EPC2: variants seen among roughly 807,000 people sequenced by gnomAD.
EPC2 encodes the protein enhancer of polycomb 2.
A neutral mutation model predicts 92.1 loss-of-function variants in EPC2; 14 were observed. That is an observed-to-expected ratio of 0.15 (90% confidence interval 0.10 to 0.24). EPC2 has a LOEUF of 0.24. EPC2 is among the 10% of genes least tolerant of loss of function. EPC2 has a pLI of 1.00. For missense variants in EPC2, 755 were observed against 971.5 expected (o/e 0.78, Z 2.96); for synonymous variants, 340 against 334.7 (o/e 1.02, Z -0.17).
At chr2:148,664,219 CTGGGCACAG>C (rs1681013712) in intron 1 of EPC2, among the ~76,000 whole-genome samples, 1 of 152,150 alleles carries the variant, frequency 6.6e-6, no homozygotes, top group African/African-American at 2.4e-5. Context: ...ATTTATTAGG[CTGGGCACAG>C]TGGCTCACAC....
At chr2:148,753,001 G>A (rs1006617120) in intron 3 of EPC2, among the ~76,000 whole-genome samples, 1 of 152,184 alleles carries the variant, frequency 6.6e-6, no homozygotes, top group Admixed American at 6.5e-5. Flanking sequence ...GATTGAGATA[G>A]CATCACTTCA....
chr2:148,692,411 T>G (rs1247586846), intron 2 of EPC2: 1 of 152,418 alleles, frequency 6.6e-6, no homozygotes, highest in Non-Finnish European at 1.5e-5. Context: ...CAGAGTAAAG[T>G]GCTTGGTTTA....
chr2:148,709,372 A>G (rs1224086809), intron 2 of EPC2, among the ~76,000 whole-genome samples: 2 of 152,274 alleles, frequency 1.3e-5, no homozygotes, highest in Non-Finnish European at 2.9e-5. Context: ...AGAACATCCC[A>G]TGCTCATGGA....
At position 148,786,559 on chromosome 2, in the gene EPC2, G is replaced by T; in HGVS notation, c.*182G>T. On this transcript the variant is annotated 3_prime_UTR_variant, in exon 14 of 14. Coordinates refer to ENST00000258484, the MANE Select transcript of EPC2 (RefSeq NM_015630.4). ...GTAAAATTGGGAAAATCACTACCTT[G>T]TAAAATAGTTTATTTGTATCATCAA... 1 of 465,758 alleles carries T rather than the reference G, an allele frequency of 2.1e-6. No individual in the cohort carries two copies. The highest frequency in any genetic ancestry group is 3.9e-6 in the Non-Finnish European group (1 of 255,884). The allele number at this position is 465,758 out of a possible 1,614,324, so 28.9% of individuals were successfully genotyped here. A position where few individuals can be genotyped will look rare whatever the true frequency, so the allele number is the denominator to read the frequency against.
Position 148,781,765 on chromosome 2 carries a change from A to G in EPC2, c.1842A>G (p.Thr614=), listed in dbSNP as rs1196031367. The G allele has an allele frequency of 2.5e-6, 4 of 1,613,938 alleles. No homozygotes were observed. The highest frequency in any genetic ancestry group is 3.4e-6 in the Non-Finnish European group (4 of 1,179,860). The stretch of plus-strand genomic sequence containing the variant: ...AATCTCAGCATTCCTCGCAACAGAC[A>G]CATCCAAAAGCACAGGTAAACTGCT... The part of the protein sequence containing the change: ...KQQSQHSSQQ[T]HPKAQGSSTS... Residue 614 remains threonine (T), a synonymous_variant, in exon 11 of 14, where the codon ACA becomes ACG. Coordinates refer to ENST00000258484, the MANE Select transcript of EPC2 (RefSeq NM_015630.4).
At chr2:148,739,778 C>T (rs183472994) in intron 2 of EPC2, among the ~76,000 whole-genome samples, 10 of 151,302 alleles carry the variant, frequency 6.6e-5, no homozygotes, top group Non-Finnish European at 1.2e-4. Context: ...TAGTCATGCA[C>T]CCTCTTAAAT....
intron 1 of EPC2, among the ~76,000 whole-genome samples, chr2:148,670,506 C>T (rs571573309): frequency 6.6e-6 from 1 of 152,168 alleles, no homozygotes; most frequent in East Asian, 1.9e-4. Context: ...ACCTCTTACC[C>T]GTTAATATGG....
intron 2 of EPC2, among the ~76,000 whole-genome samples, chr2:148,721,890 CTTTTTTTTTT>C: frequency 1.6e-5 from 1 of 60,734 alleles, no homozygotes; most frequent in East Asian, 6.9e-4. Flanking sequence ...GTTTTGATTT[CTTTTTTTTTT>C]TTTTTTTCAG....
At chr2:148,761,572 AT>A (rs1263908904) in intron 4 of EPC2, among the ~76,000 whole-genome samples, 1 of 151,748 alleles carries the variant, frequency 6.6e-6, no homozygotes, top group Non-Finnish European at 1.5e-5. Context: ...AGCTGGCAAC[AT>A]TTTTTTTCTG....
Position 148,783,727 on chromosome 2 carries a change from A to G in EPC2, c.1988A>G (p.Asn663Ser). 1.3e-6 allele frequency: 2 copies of G among 1,592,124 alleles called. No individual in the cohort carries two copies. The highest frequency in any genetic ancestry group is 1.8e-5 in the Admixed American group (1 of 56,826). Residue 663 changes from asparagine (N) to serine (S), a missense_variant, in exon 12 of 14, where the codon AAC becomes AGC. Coordinates refer to ENST00000258484, the MANE Select transcript of EPC2 (RefSeq NM_015630.4). ...GCCAAGGAACAGAACACTGGCCACA[A>G]CAACATAAACGGTGTTGTCCAGCCT... ...EVAKEQNTGH[N>S]NINGVVQPSG...
chr2:148,775,936 C>G (rs1207977699), intron 10 of EPC2, among the ~76,000 whole-genome samples: 1 of 151,668 alleles, frequency 6.6e-6, no homozygotes, highest in African/African-American at 2.4e-5. Flanking sequence ...CACCACCACA[C>G]CTGCCTAATT....
chr2:148,650,910 C>T (rs999258615), intron 1 of EPC2, among the ~76,000 whole-genome samples: 6 of 151,984 alleles, frequency 3.9e-5, no homozygotes, highest in Non-Finnish European at 8.8e-5. Context: ...TGTGTAAGGC[C>T]GTGTACTGAA....
chr2:148,742,784 CAAA>C (rs5835210), intron 2 of EPC2, among the ~76,000 whole-genome samples: 13 of 135,066 alleles, frequency 9.6e-5, no homozygotes, highest in African/African-American at 8.7e-5. Flanking sequence ...GACCTTGCCT[CAAA>C]AAAAAAAAAA....
chr2:148,744,928 A>C (rs1682951062), intron 3 of EPC2, among the ~76,000 whole-genome samples: 1 of 146,826 alleles, frequency 6.8e-6, no homozygotes, highest in African/African-American at 2.5e-5. Context: ...AAGGCATTAC[A>C]AGCTCTTCAG....
chr2:148,762,016 G>GGTT, intron 5 of EPC2, 86 bp downstream of exon 5: 2 of 1,148,220 alleles, frequency 1.7e-6, no homozygotes, highest in Non-Finnish European at 2.4e-6. Flanking sequence ...GGGGGGAACA[G>GGTT]GTTAAGCTTT....
At chr2:148,760,128 AG>A (rs1683274152) in intron 4 of EPC2, among the ~76,000 whole-genome samples, 3 of 152,136 alleles carry the variant, frequency 2.0e-5, no homozygotes, top group Admixed American at 2.0e-4. Flanking sequence ...GTGTAATCCC[AG>A]CTACTGAGGC....
chr2:148,673,519 G>A (rs1315368636), intron 1 of EPC2, among the ~76,000 whole-genome samples: 1 of 152,120 alleles, frequency 6.6e-6, no homozygotes, highest in Non-Finnish European at 1.5e-5. Context: ...AACTTCAGAA[G>A]TTCTGTTGGA....
At chr2:148,783,028 C>G (rs566071234) in intron 11 of EPC2, among the ~76,000 whole-genome samples, 1 of 152,286 alleles carries the variant, frequency 6.6e-6, no homozygotes, top group South Asian at 2.1e-4. Flanking sequence ...CTCAGTGACC[C>G]TGGAATGCAA....
At chr2:148,766,082 A>G (rs948017695) in intron 7 of EPC2, among the ~76,000 whole-genome samples, 1 of 152,102 alleles carries the variant, frequency 6.6e-6, no homozygotes, top group African/African-American at 2.4e-5. Context: ...TTTTTTAAAT[A>G]TTGTGTATCA....
Sources: allele counts gnomAD v4.1 joint callset (sites outside exome capture counted in the v4.1 genomes callset), GRCh38; gene constraint gnomAD v4.1.1; transcripts MANE v1.5; gene names NCBI Gene and HGNC (gene_info 2026-07-23, HGNC 2026-07-21).